The following NIBAN1 variants were observed in gnomAD, a reference collection of about 807,000 sequenced individuals.
NIBAN1 encodes protein Niban 1.
A neutral mutation model predicts 75.1 loss-of-function variants in NIBAN1; 81 were observed. That is an observed-to-expected ratio of 1.08 (90% CI 0.90 to 1.30). The LOEUF (loss-of-function observed/expected upper bound fraction) is 1.30, where lower values mean the gene tolerates loss of function less well. Among genes scored for constraint, NIBAN1 ranks in the 50% most tolerant of loss-of-function variants. NIBAN1 has a pLI of 0.00. For synonymous variants in NIBAN1, 436 were observed against 424.8 expected (o/e 1.03, Z -0.32); for missense variants, 1,133 against 1,128.1 (o/e 1.00, Z -0.06).
chr1:184,860,969 C>G (rs1481776821), intron 5 of NIBAN1, among the ~76,000 whole-genome samples: 3 of 152,222 alleles, frequency 2.0e-5, no homozygotes, highest in African/African-American at 7.2e-5. Flanking sequence ...ACGGCCCACC[C>G]TACCTGAAAA....
chr1:184,949,999 C>A (rs1170255982), intron 1 of NIBAN1, among the ~76,000 whole-genome samples: 1 of 151,970 alleles, frequency 6.6e-6, no homozygotes, highest in Non-Finnish European at 1.5e-5. Flanking sequence ...AAGAATGAAA[C>A]AATAAAAAGA....
intron 5 of NIBAN1, among the ~76,000 whole-genome samples, chr1:184,840,248 A>G (rs1655246909): frequency 6.6e-6 from 1 of 152,266 alleles, no homozygotes; most frequent in African/African-American, 2.4e-5. Context: ...AGAAGAAATC[A>G]GTAAATTATC....
chr1:184,920,356 C>A (rs908483363), intron 1 of NIBAN1, among the ~76,000 whole-genome samples: 9 of 152,168 alleles, frequency 5.9e-5, no homozygotes, highest in African/African-American at 2.2e-4. Flanking sequence ...TTACCATACT[C>A]ATCACCTCAA....
At chr1:184,863,948 A>G (rs1424123039) in intron 5 of NIBAN1, among the ~76,000 whole-genome samples, 1 of 152,270 alleles carries the variant, frequency 6.6e-6, no homozygotes, top group East Asian at 1.9e-4. Flanking sequence ...AAGAGCATAC[A>G]TTAAACACTC....
At chr1:184,973,639 T>A (rs1453743911) in intron 1 of NIBAN1, among the ~76,000 whole-genome samples, 1 of 152,132 alleles carries the variant, frequency 6.6e-6, no homozygotes, top group South Asian at 2.1e-4. Context: ...CTCTACTGAG[T>A]CCCCACATCT....
At chr1:184,828,103 A>G (rs1469717644) in intron 6 of NIBAN1, among the ~76,000 whole-genome samples, 1 of 152,010 alleles carries the variant, frequency 6.6e-6, no homozygotes, top group Non-Finnish European at 1.5e-5. Context: ...TTCCCTCATG[A>G]TCTCATTTGA....
At chr1:184,851,752 G>T (rs1655542901) in intron 5 of NIBAN1, among the ~76,000 whole-genome samples, 1 of 151,970 alleles carries the variant, frequency 6.6e-6, no homozygotes, top group African/African-American at 2.4e-5. Flanking sequence ...TAAAAGGTGA[G>T]TTATGGGGGA....
intron 2 of NIBAN1, among the ~76,000 whole-genome samples, chr1:184,894,707 A>G (rs964557469): frequency 6.6e-6 from 1 of 152,192 alleles, no homozygotes; most frequent in Non-Finnish European, 1.5e-5. Flanking sequence ...ACCCAAAGCC[A>G]TGGGGACCCC....
In NIBAN1 at chr1:184,908,142, C is replaced by A. The variant is rs138735084; in HGVS notation, c.56-8833G>T. Among the ~76,000 whole-genome samples, 7 of 152,256 alleles carry A rather than the reference C, an allele frequency of 4.6e-5. No homozygotes were observed. In the East Asian group the frequency reaches 1.3e-3, roughly 29 times the overall value. ...AGGTCCCAAATTCTGTGAGCAAAAC[C>A]TGCAGCGAAGTGTGAGAGACCCTAA... On this transcript the variant is annotated intron_variant, in intron 1 of 13. Transcript: ENST00000367511.
chr1:184,817,773 T>C lies in NIBAN1; in HGVS notation c.1173+865A>G, dbSNP rs188125388. Among the ~76,000 whole-genome samples, 7 of 152,370 alleles carry C rather than the reference T, an allele frequency of 4.6e-5. No individual in the cohort carries two copies. The East Asian group carries it at 1.2e-3, about 25-fold the overall frequency. On this transcript the variant is annotated intron_variant, in intron 9 of 13. Coordinates refer to ENST00000367511, the MANE Select transcript of NIBAN1 (RefSeq NM_052966.4). ...ACTCCTTTCTTATATATATAAGTCC[T>C]TGTGGATGAACTGTAACCTAGCTTA...
At chr1:184,813,709 G>T (rs541668681) in intron 9 of NIBAN1, among the ~76,000 whole-genome samples, 2 of 152,324 alleles carry the variant, frequency 1.3e-5, no homozygotes, top group East Asian at 1.9e-4. Flanking sequence ...TTTATTAAAA[G>T]GAATTTATGC....
chr1:184,945,061 A>C (rs1341923181), intron 1 of NIBAN1, among the ~76,000 whole-genome samples: 1 of 152,222 alleles, frequency 6.6e-6, no homozygotes, highest in South Asian at 2.1e-4. Context: ...GAAATGAGAG[A>C]TATGTTCCTA....
chr1:184,890,041 A>C lies in NIBAN1; in HGVS notation c.433+67T>G. On this transcript the variant is annotated intron_variant, in intron 4 of 13. Transcript: ENST00000367511. The stretch of plus-strand genomic sequence containing the variant: ...GGGAAATCCCTCTCCTTCACAGAGA[A>C]ACACTGCTCCAGCTAAACAAAGAAG... The C allele has an allele frequency of 2.4e-6, 3 of 1,230,050 alleles. No individual in the cohort carries two copies. In the South Asian group the frequency reaches 3.7e-5, roughly 15 times the overall value. The allele number at this position is 1,230,050 out of a possible 1,614,324, so 76.2% of individuals were successfully genotyped here.
intron 1 of NIBAN1, among the ~76,000 whole-genome samples, chr1:184,912,991 G>A (rs1657283656): frequency 6.6e-6 from 1 of 152,014 alleles, no homozygotes; most frequent in Non-Finnish European, 1.5e-5. Context: ...GTTTCAGCAA[G>A]CCCTCCAAGT....
At chr1:184,831,481 C>T (rs145865362) in intron 6 of NIBAN1, among the ~76,000 whole-genome samples, 6 of 152,286 alleles carry the variant, frequency 3.9e-5, no homozygotes, top group Admixed American at 2.6e-4. Flanking sequence ...TCCAAGTTTG[C>T]GGACCCTAGC....
chr1:184,826,463 A>G (rs1413898714), intron 6 of NIBAN1, among the ~76,000 whole-genome samples: 1 of 152,178 alleles, frequency 6.6e-6, no homozygotes, highest in East Asian at 1.9e-4. Flanking sequence ...TTAATAATCC[A>G]CCAGCCCACC....
intron 5 of NIBAN1, among the ~76,000 whole-genome samples, chr1:184,839,547 G>C (rs1160542223): frequency 6.8e-6 from 1 of 146,428 alleles, no homozygotes; most frequent in Non-Finnish European, 1.5e-5. Flanking sequence ...ATGCATTCCT[G>C]TGTGTGTGTG....
intron 1 of NIBAN1, among the ~76,000 whole-genome samples, chr1:184,971,676 A>C (rs917316491): frequency 6.6e-6 from 1 of 152,170 alleles, no homozygotes; most frequent in African/African-American, 2.4e-5. Context: ...CTCAAAAAAA[A>C]AGGATCATTT....
chr1:184,903,917 A>T, intron 1 of NIBAN1, among the ~76,000 whole-genome samples: 1 of 149,108 alleles, frequency 6.7e-6, no homozygotes. Context: ...TTTTTTTTAG[A>T]CACAGTTTCA....
Sources: gnomAD v4.1 joint callset for allele counts (sites outside exome capture counted in the v4.1 genomes callset) on GRCh38, gnomAD v4.1.1 for gene constraint, MANE v1.5 for transcripts, NCBI Gene and HGNC (gene_info 2026-07-23, HGNC 2026-07-21) for gene names.